Variants in RFX7 observed in about 807,000 individuals in gnomAD.
RFX7 encodes the protein regulatory factor X7.
A neutral mutation model predicts 111.8 loss-of-function variants in RFX7; 26 were observed. The ratio of observed to expected loss-of-function variants is 0.23; its 90% CI spans 0.17 to 0.32. The LOEUF (loss-of-function observed/expected upper bound fraction) is 0.32. RFX7 is among the 10% of genes least tolerant of loss of function. The probability of loss-of-function intolerance (pLI) is 1.00; values close to 1 mark genes in which losing one functional copy is unlikely to be tolerated. For synonymous variants in RFX7, 624 were observed against 624.4 expected (o/e 1.00, Z 0.01); for missense variants, 1,573 against 1,772.9 (o/e 0.89, Z 2.02).
intron 2 of RFX7, among the ~76,000 whole-genome samples, chr15:56,184,375 A>G (rs1166717670): frequency 6.6e-6 from 1 of 151,572 alleles, no homozygotes; most frequent in African/African-American, 2.4e-5. Flanking sequence ...GTAGATAATC[A>G]TTTCATTTAT....
chr15:56,220,443 G>A lies in RFX7; in HGVS notation c.161+22682C>T, dbSNP rs551937847. Among the ~76,000 whole-genome samples, 3 of 152,118 alleles carry A rather than the reference G, an allele frequency of 2.0e-5. No individual in the cohort carries two copies. In the South Asian group the frequency reaches 6.2e-4, roughly 32 times the overall value. The stretch of plus-strand genomic sequence containing the variant: ...GATGGGATTTCATCATGTTGGCCAG[G>A]CTGGTCTCGAACTCCTGACGTCAGG... On this transcript the variant is annotated intron_variant, in intron 2 of 9. Transcript: ENST00000559447.
rs765665885 is a variant in RFX7, at chr15:56,095,009, C to T, written c.2719G>A (p.Gly907Ser). Reference protein sequence around the residue: ...QMSMNNSHSYGNCLGMTLQSQ... With the variant: ...QMSMNNSHSYSNCLGMTLQSQ... ...TGAAGGGTCATTCCCAAACAGTTGC[C>T]GTAAGAATGAGAATTGTTCATTGAC... The change falls in exon 10 of 10, where the codon GGC becomes AGC. Residue 907 changes from glycine (G) to serine (S), a missense_variant. Coordinates refer to ENST00000559447, the MANE Select transcript of RFX7 (RefSeq NM_022841.7). The T allele has an allele frequency of 1.8e-5, 29 of 1,613,538 alleles. No individual in the cohort carries two copies. Among genetic ancestry groups the T allele is most frequent in the South Asian group, 1.3e-4 (12 of 90,968 alleles).
intron 5 of RFX7, among the ~76,000 whole-genome samples, chr15:56,106,240 ATCCAAT>A (rs2041828089): frequency 6.6e-6 from 1 of 152,234 alleles, no homozygotes; most frequent in South Asian, 2.1e-4. Flanking sequence ...TCACAAAATC[ATCCAAT>A]TCCATCTGGT....
At chr15:56,237,953 T>C (rs2043643494) in intron 2 of RFX7, among the ~76,000 whole-genome samples, 1 of 152,160 alleles carries the variant, frequency 6.6e-6, no homozygotes, top group African/African-American at 2.4e-5. Flanking sequence ...TCAGGGTAGG[T>C]AGGAGGTCAA....
chr15:56,174,429 T>G (rs970301827), intron 3 of RFX7, among the ~76,000 whole-genome samples: 1 of 152,006 alleles, frequency 6.6e-6, no homozygotes, highest in Non-Finnish European at 1.5e-5. Context: ...TTAGTAAGTA[T>G]AGAAAAATTG....
In RFX7 at chr15:56,243,292, A is replaced by G. The variant is rs2043733106; in HGVS notation, c.-2-5T>C. On this transcript the variant is annotated splice_region_variant and splice_polypyrimidine_tract_variant and intron_variant, in intron 1 of 9. Coordinates refer to ENST00000559447, the MANE Select transcript of RFX7 (RefSeq NM_022841.7). ...GTTGTTGTTCCTCTGCCATCGCTGC[A>G]GAGGGGTGGGAGGGAGGGAGGGAAA... is the stretch of plus-strand genomic sequence containing the variant. 6 of 432,086 alleles carry G rather than the reference A, an allele frequency of 1.4e-5. No homozygotes were observed. The highest frequency in any genetic ancestry group is 9.8e-5 in the South Asian group (5 of 50,856). The allele number at this position is 432,086 out of a possible 1,614,324, so 26.8% of individuals were successfully genotyped here.
intron 3 of RFX7, among the ~76,000 whole-genome samples, chr15:56,148,605 T>C (rs538328293): frequency 6.6e-6 from 1 of 152,286 alleles, no homozygotes; most frequent in Non-Finnish European, 1.5e-5. Flanking sequence ...ACATAAGAAC[T>C]AGTAACATGA....
intron 5 of RFX7, among the ~76,000 whole-genome samples, chr15:56,115,535 C>A (rs2041999047): frequency 6.6e-6 from 1 of 152,184 alleles, no homozygotes; most frequent in South Asian, 2.1e-4. Flanking sequence ...AGCAAAGACA[C>A]ACACACACAT....
At position 56,103,597 on chromosome 15, in the gene RFX7, G is replaced by A. The variant is rs1413045990; in HGVS notation, c.475C>T (p.Pro159Ser). 6.2e-7 allele frequency: 1 copy of A among 1,607,794 alleles called. No individual in the cohort carries two copies. Among genetic ancestry groups the A allele is most frequent in the Non-Finnish European group, 8.5e-7 (1 of 1,176,932 alleles). ...DFGKIMKNVF[P>S]NMKARRLGTR... ...CCCAAACGACGTGCCTTCATGTTTG[G>A]AAAGACGTTTTTCATGATCTTTCCA... Residue 159 changes from proline to serine, a missense_variant, in exon 6 of 10, where the codon CCA becomes TCA. By Grantham distance (74) the Pro-to-Ser change is moderately conservative. Coordinates refer to ENST00000559447, the MANE Select transcript of RFX7 (RefSeq NM_022841.7).
At chr15:56,146,836 A>G (rs982925486) in intron 3 of RFX7, among the ~76,000 whole-genome samples, 2 of 152,218 alleles carry the variant, frequency 1.3e-5, no homozygotes, top group East Asian at 3.8e-4. Context: ...GAAAACTGAT[A>G]ATAACAAAAT....
chr15:56,122,805 C>T (rs750942624), intron 5 of RFX7, among the ~76,000 whole-genome samples: 5 of 152,098 alleles, frequency 3.3e-5, no homozygotes, highest in African/African-American at 4.8e-5. Context: ...TCCCCGTGTC[C>T]ACCACCACAG....
chr15:56,199,956 T>C (rs1029980936), intron 2 of RFX7, among the ~76,000 whole-genome samples: 2 of 152,208 alleles, frequency 1.3e-5, no homozygotes, highest in African/African-American at 4.8e-5. Context: ...CTGATTTTTA[T>C]TTGGCTCCAT....
At chr15:56,134,646 T>G (rs2042269635) in intron 5 of RFX7, among the ~76,000 whole-genome samples, 1 of 151,350 alleles carries the variant, frequency 6.6e-6, no homozygotes, top group Non-Finnish European at 1.5e-5. Context: ...TACTTTAAGT[T>G]TTAGGGTACA....
intron 3 of RFX7, among the ~76,000 whole-genome samples, chr15:56,149,398 T>C (rs1403741535): frequency 6.6e-6 from 1 of 152,192 alleles, no homozygotes; most frequent in African/African-American, 2.4e-5. Context: ...CCTTTTTACA[T>C]ATGCAGATAA....
rs117793852 is a variant in RFX7, at chr15:56,164,571, T to C, written c.195+14699A>G. 4.6e-5 allele frequency among the ~76,000 whole-genome samples: 7 copies of C among 152,326 alleles called. No homozygotes were observed. The East Asian group carries it at 1.3e-3, about 29-fold the overall frequency. The stretch of plus-strand genomic sequence containing the variant: ...AGGATCCTGGTGAGAACTCAGGTAC[T>C]ACTGAAATTCCACACAGATAACCAT... On this transcript the variant is annotated intron_variant, in intron 3 of 9. Coordinates refer to ENST00000559447, the MANE Select transcript of RFX7 (RefSeq NM_022841.7).
At chr15:56,216,100 A>C (rs1220944488) in intron 2 of RFX7, among the ~76,000 whole-genome samples, 1 of 152,220 alleles carries the variant, frequency 6.6e-6, no homozygotes, top group Non-Finnish European at 1.5e-5. Context: ...TTGCATGATT[A>C]GGTCCAGCCC....
intron 2 of RFX7, among the ~76,000 whole-genome samples, chr15:56,196,585 C>T (rs2043147715): frequency 6.6e-6 from 1 of 151,874 alleles, no homozygotes; most frequent in Non-Finnish European, 1.5e-5. Context: ...ATGTTGAAGC[C>T]CTAACCCCCA....
At chr15:56,227,439 C>G (rs1275978545) in intron 2 of RFX7, among the ~76,000 whole-genome samples, 5 of 152,150 alleles carry the variant, frequency 3.3e-5, no homozygotes, top group South Asian at 4.1e-4. Context: ...TTCCATTTCT[C>G]TTTTGTCTTC....
At chr15:56,187,623 G>C (rs1447255045) in intron 2 of RFX7, among the ~76,000 whole-genome samples, 2 of 152,104 alleles carry the variant, frequency 1.3e-5, no homozygotes, top group African/African-American at 4.8e-5. Flanking sequence ...AAAAGTGAAA[G>C]GTGAAATCCC....
Sources: allele counts gnomAD v4.1 joint callset (sites outside exome capture counted in the v4.1 genomes callset), GRCh38; gene constraint gnomAD v4.1.1; transcripts MANE v1.5; gene names NCBI Gene and HGNC (gene_info 2026-07-23, HGNC 2026-07-21).